Variants in CNTNAP5 observed in about 807,000 individuals in gnomAD.
The protein encoded by CNTNAP5 is contactin associated protein family member 5.
In CNTNAP5, 72 loss-of-function variants were observed where a neutral mutation model predicts 150.2. The observed-to-expected ratio is 0.48, with a 90% CI of 0.40 to 0.58. The LOEUF is 0.58. Among genes scored for constraint, CNTNAP5 ranks in the 20% least tolerant of loss-of-function variants. The pLI is 0.00. For synonymous variants in CNTNAP5, 672 were observed against 619.8 expected (o/e 1.08, Z -1.25); for missense variants, 1,636 against 1,626.2 (o/e 1.01, Z -0.10).
intron 3 of CNTNAP5, among the ~76,000 whole-genome samples, chr2:124,344,654 G>C (rs1386250125): frequency 6.6e-6 from 1 of 152,146 alleles, no homozygotes; most frequent in South Asian, 2.1e-4. Context: ...TCCTCAGGAG[G>C]CTAAGGCAGG....
chr2:124,881,416 G>C (rs1411238260), intron 21 of CNTNAP5, among the ~76,000 whole-genome samples: 2 of 152,038 alleles, frequency 1.3e-5, no homozygotes, highest in East Asian at 3.9e-4. Flanking sequence ...AATTACAGCA[G>C]ATTTTTCCAG....
chr2:124,178,131 G>A (rs1379288412), intron 1 of CNTNAP5, among the ~76,000 whole-genome samples: 3 of 152,138 alleles, frequency 2.0e-5, no homozygotes, highest in Non-Finnish European at 2.9e-5. Flanking sequence ...ACAGACCTGA[G>A]CCACCATGCC....
At chr2:124,491,542 C>T (rs539438767) in intron 7 of CNTNAP5, among the ~76,000 whole-genome samples, 4 of 152,094 alleles carry the variant, frequency 2.6e-5, no homozygotes, top group Non-Finnish European at 5.9e-5. Context: ...GTAGATAATG[C>T]TGCAATGAAC....
intron 19 of CNTNAP5, among the ~76,000 whole-genome samples, chr2:124,818,718 G>T (rs1168997147): frequency 2.0e-5 from 3 of 151,990 alleles, no homozygotes; most frequent in African/African-American, 7.2e-5. Flanking sequence ...CCTCTCCTCT[G>T]GACTGCAGTA....
rs78317443 is a variant in CNTNAP5 at position 124,438,449 on chromosome 2, C to T, written c.733+3762C>T. On this transcript the variant is annotated intron_variant, in intron 5 of 23. Transcript: ENST00000682447. ...CAATAGTACATGCAGGTCAATCATC[C>T]TTATAAGAGCCCAGTGCCTTTTAAC... is the stretch of plus-strand genomic sequence containing the variant. Among the ~76,000 whole-genome samples the T allele has an allele frequency of 7.0e-3, 1,068 of 152,234 alleles. 17 individuals carry two copies. The highest frequency in any genetic ancestry group is 0.024 in the African/African-American group (991 of 41,544).
At chr2:124,242,125 C>T (rs181623944) in intron 2 of CNTNAP5, 75 bp from the exon 3 acceptor site, 4 of 1,209,786 alleles carry the variant, frequency 3.3e-6, no homozygotes, top group Admixed American at 4.2e-5. Context: ...GTTTCATTTC[C>T]CTTTGATAGT....
At chr2:124,201,650 C>G (rs541484713) in intron 1 of CNTNAP5, among the ~76,000 whole-genome samples, 1 of 152,308 alleles carries the variant, frequency 6.6e-6, no homozygotes, top group Admixed American at 6.5e-5. Flanking sequence ...GTTGGAGAGA[C>G]AGTAACTATC....
chr2:124,085,380 G>A (rs998505671), intron 1 of CNTNAP5, among the ~76,000 whole-genome samples: 27 of 151,884 alleles, frequency 1.8e-4, no homozygotes, highest in African/African-American at 5.8e-4. Flanking sequence ...TTTGATGCCC[G>A]TAGTGACATA....
chr2:124,765,179 G>C (rs1285258630), intron 16 of CNTNAP5, among the ~76,000 whole-genome samples: 1 of 152,012 alleles, frequency 6.6e-6, no homozygotes, highest in African/African-American at 2.4e-5. Context: ...TACTGTTAAT[G>C]TTTTTACTTC....
chr2:124,700,386 T>A (rs1000588516), intron 13 of CNTNAP5, among the ~76,000 whole-genome samples: 10 of 152,210 alleles, frequency 6.6e-5, no homozygotes, highest in Non-Finnish European at 2.9e-5. Flanking sequence ...AGGAGTGGAA[T>A]GGCTGGATCA....
intron 12 of CNTNAP5, among the ~76,000 whole-genome samples, chr2:124,616,128 C>T (rs1677489148): frequency 6.6e-6 from 1 of 152,104 alleles, no homozygotes; most frequent in Non-Finnish European, 1.5e-5. Flanking sequence ...TGAGCATTAG[C>T]ACTTGCATTA....
intron 3 of CNTNAP5, among the ~76,000 whole-genome samples, chr2:124,289,987 A>G (rs987854942): frequency 6.6e-6 from 1 of 152,190 alleles, no homozygotes; most frequent in Non-Finnish European, 1.5e-5. Context: ...TTCAAGAAAT[A>G]TGTCACATTT....
At chr2:124,279,897 T>C (rs896274953) in intron 3 of CNTNAP5, among the ~76,000 whole-genome samples, 6 of 152,092 alleles carry the variant, frequency 3.9e-5, no homozygotes, top group Non-Finnish European at 5.9e-5. Context: ...ATACATATTA[T>C]ACCTTTGTCA....
In CNTNAP5 at chr2:124,170,104, G is replaced by A. The variant is rs13415065; in HGVS notation, c.83-51601G>A. Among the ~76,000 whole-genome samples, 497 of 152,258 alleles carry A rather than the reference G, an allele frequency of 3.3e-3. 7 individuals carry two copies. Among genetic ancestry groups the A allele is most frequent in the African/African-American group, 0.011 (469 of 41,554 alleles). On this transcript the variant is annotated intron_variant, in intron 1 of 23. Transcript: ENST00000682447. The stretch of plus-strand genomic sequence containing the variant: ...AGAAGAGGCAGCATGACTTAGAAAA[G>A]CAGGGTAATCATCTACAACAGGACC...
intron 20 of CNTNAP5, among the ~76,000 whole-genome samples, chr2:124,866,304 A>G (rs1350401889): frequency 1.3e-5 from 2 of 152,146 alleles, no homozygotes; most frequent in Non-Finnish European, 2.9e-5. Context: ...CTTGGGTTCC[A>G]CAGCAGATCT....
At chr2:124,565,516 T>C (rs1200164357) in intron 11 of CNTNAP5, among the ~76,000 whole-genome samples, 1 of 150,090 alleles carries the variant, frequency 6.7e-6, no homozygotes, top group Non-Finnish European at 1.5e-5. Context: ...AAAAGAAATT[T>C]AGAACAGTGA....
At chr2:124,043,746 C>A (rs1315005281) in intron 1 of CNTNAP5, among the ~76,000 whole-genome samples, 2 of 152,058 alleles carry the variant, frequency 1.3e-5, no homozygotes, top group Non-Finnish European at 2.9e-5. Flanking sequence ...CAACATAAAC[C>A]TCAAAGTCTA....
intron 1 of CNTNAP5, among the ~76,000 whole-genome samples, chr2:124,101,155 CA>C (rs1683053691): frequency 6.6e-6 from 1 of 152,048 alleles, no homozygotes; most frequent in Non-Finnish European, 1.5e-5. Flanking sequence ...TGCTCAGGAA[CA>C]TGAAAATAAT....
intron 9 of CNTNAP5, among the ~76,000 whole-genome samples, chr2:124,524,944 G>T (rs78577619): frequency 0.034 from 5,147 of 152,126 alleles, 126 homozygotes; most frequent in South Asian, 0.11. Flanking sequence ...GGCCATGCTC[G>T]CAGAAATCCA....
Sources: allele counts gnomAD v4.1 joint callset (sites outside exome capture counted in the v4.1 genomes callset), GRCh38; gene constraint gnomAD v4.1.1; transcripts MANE v1.5; gene names NCBI Gene and HGNC (gene_info 2026-07-23, HGNC 2026-07-21).